FAF1: variants seen among roughly 807,000 people sequenced by gnomAD.
FAF1 encodes the protein FAS-associated factor 1.
A neutral mutation model predicts 92.5 loss-of-function variants in FAF1; 25 were observed. The ratio of observed to expected loss-of-function variants is 0.27; its 90% CI spans 0.20 to 0.38. The LOEUF (loss-of-function observed/expected upper bound fraction) is 0.38, where lower values mean the gene tolerates loss of function less well. Among genes scored for constraint, FAF1 ranks in the 10% least tolerant of loss-of-function variants. The pLI, the probability that FAF1 is intolerant of heterozygous loss-of-function variation, is 1.00. For missense variants in FAF1, 636 were observed against 793.3 expected (o/e 0.80, Z 2.38); for synonymous variants, 234 against 273.2 (o/e 0.86, Z 1.42).
intron 7 of FAF1, among the ~76,000 whole-genome samples, chr1:50,675,987 T>C (rs1416014315): frequency 6.6e-6 from 1 of 152,236 alleles, no homozygotes; most frequent in Non-Finnish European, 1.5e-5. Context: ...TAGAGCTGAA[T>C]GTGAATTTGA....
At chr1:50,477,071 T>A (rs1434034671) in intron 17 of FAF1, among the ~76,000 whole-genome samples, 1 of 152,224 alleles carries the variant, frequency 6.6e-6, no homozygotes, top group Non-Finnish European at 1.5e-5. Flanking sequence ...AAAAGTTTGC[T>A]CAGACACAAG....
rs1357503824 is a variant in FAF1, at chr1:50,583,763, T to C, written c.968-48A>G. 2.3e-6 allele frequency: 3 copies of C among 1,293,880 alleles called. No homozygotes were observed. Among genetic ancestry groups the C allele is most frequent in the Admixed American group, 1.9e-5 (1 of 51,706 alleles). 80.1% of individuals were successfully genotyped at this position (1,293,880 alleles called of 1,614,324 possible). A position where few individuals can be genotyped will look rare whatever the true frequency, so the allele number is the denominator to read the frequency against. ...AACAAAAACAAAAAAACAAAACAAATAGACACAAAAACAAACCACATAACA... is the reference window on the plus strand; with the variant it reads ...AACAAAAACAAAAAAACAAAACAAACAGACACAAAAACAAACCACATAACA... On this transcript the variant is annotated intron_variant, in intron 10 of 18. Coordinates refer to ENST00000396153, the MANE Select transcript of FAF1 (RefSeq NM_007051.3). This position sits in a 1 kb window ranked among gnomAD's most constrained non-coding sequence, Gnocchi z 4.2.
chr1:50,699,349 G>GT (rs1317601193), intron 7 of FAF1, among the ~76,000 whole-genome samples: 4 of 151,932 alleles, frequency 2.6e-5, no homozygotes, highest in Admixed American at 1.3e-4. Context: ...AACTGGACAG[G>GT]TTTTTTTAAT....
At chr1:50,534,938 G>A (rs11205731) in intron 15 of FAF1, among the ~76,000 whole-genome samples, 11 of 152,122 alleles carry the variant, frequency 7.2e-5, no homozygotes, top group African/African-American at 2.7e-4. Flanking sequence ...TTTTGCTAAT[G>A]CTCACAGTAC....
At chr1:50,533,696 ACT>A (rs1291028678) in intron 15 of FAF1, among the ~76,000 whole-genome samples, 1 of 152,142 alleles carries the variant, frequency 6.6e-6, no homozygotes, top group Non-Finnish European at 1.5e-5. Context: ...CAGAAATAAA[ACT>A]CTCCCTTACG....
intron 1 of FAF1, among the ~76,000 whole-genome samples, chr1:50,862,207 C>G (rs1379689678): frequency 6.6e-6 from 1 of 151,250 alleles, no homozygotes; most frequent in African/African-American, 2.4e-5. Flanking sequence ...TGCAGAGAAC[C>G]AACAAAGTAT....
At chr1:50,851,493 G>A (rs941588750) in intron 2 of FAF1, among the ~76,000 whole-genome samples, 1 of 152,056 alleles carries the variant, frequency 6.6e-6, no homozygotes, top group African/African-American at 2.4e-5. Context: ...ATTTCATTTA[G>A]TTTATTTTCT....
rs963389397 is a variant in FAF1 at position 50,735,775 on chromosome 1, GGCATGA to G, written c.551+3082_551+3087del. Among the ~76,000 whole-genome samples, 734 of 152,252 alleles carry G rather than the reference GGCATGA, an allele frequency of 4.8e-3. 12 individuals carry two copies. The East Asian group carries it at 0.076, about 16-fold the overall frequency. ...CTACTGCCCAGGCTTAAAGTACAGT[GGCATGA>G]TCTCAGCTCACTGTAACCTCAAACT... On this transcript the variant is annotated intron_variant, in intron 6 of 18. Coordinates refer to ENST00000396153, the MANE Select transcript of FAF1 (RefSeq NM_007051.3).
intron 13 of FAF1, among the ~76,000 whole-genome samples, chr1:50,561,848 C>CGGAAGGAA (rs373578502): frequency 0.14 from 17,801 of 128,372 alleles, 1,388 homozygotes; most frequent in Middle Eastern, 0.21. Context: ...GACGGATGGA[C>CGGAAGGAA]GGAAGGAAGG....
At chr1:50,712,445 C>T (rs1160867148) in intron 6 of FAF1, among the ~76,000 whole-genome samples, 1 of 152,034 alleles carries the variant, frequency 6.6e-6, no homozygotes, top group Non-Finnish European at 1.5e-5. Context: ...CCCTTGAGGC[C>T]AGGAATTTGA....
At chr1:50,770,804 A>C (rs1557519575) in intron 4 of FAF1, among the ~76,000 whole-genome samples, 1 of 152,200 alleles carries the variant, frequency 6.6e-6, no homozygotes, top group Non-Finnish European at 1.5e-5. Context: ...AGATAATCCT[A>C]AGCAAAAAGA....
At chr1:50,849,248 CAG>C (rs1644328345) in intron 2 of FAF1, among the ~76,000 whole-genome samples, 1 of 145,088 alleles carries the variant, frequency 6.9e-6, no homozygotes, top group Non-Finnish European at 1.5e-5. Context: ...GCCTAGGCGA[CAG>C]AGTGAGACTC....
At chr1:50,809,491 T>C (rs1476149378) in intron 2 of FAF1, among the ~76,000 whole-genome samples, 1 of 152,066 alleles carries the variant, frequency 6.6e-6, no homozygotes, top group Non-Finnish European at 1.5e-5. Flanking sequence ...AACATCTCTC[T>C]ATGCACAAAG....
chr1:50,743,247 C>A (rs1659456308), intron 5 of FAF1, among the ~76,000 whole-genome samples: 1 of 152,174 alleles, frequency 6.6e-6, no homozygotes, highest in Non-Finnish European at 1.5e-5. Context: ...TATATAAGTA[C>A]TTATAAACAC....
At chr1:50,541,586 A>T (rs1648759591) in intron 13 of FAF1, among the ~76,000 whole-genome samples, 1 of 152,180 alleles carries the variant, frequency 6.6e-6, no homozygotes, top group Non-Finnish European at 1.5e-5. Context: ...TGTCAAAAAA[A>T]TAGTTGGAAT....
In FAF1 at chr1:50,826,727, C is replaced by A. The variant is rs12077230; in HGVS notation, c.115-25050G>T. On this transcript the variant is annotated intron_variant, in intron 2 of 18. Coordinates refer to ENST00000396153, the MANE Select transcript of FAF1 (RefSeq NM_007051.3). The stretch of plus-strand genomic sequence containing the variant: ...TAAAAGAATATTATGAACTTTATGC[C>A]AATAAATATGAAAATTTAGATAGAC... 9.9e-3 allele frequency among the ~76,000 whole-genome samples: 1,498 copies of A among 151,944 alleles called. 22 individuals carry two copies. The highest frequency in any genetic ancestry group is 0.034 in the African/African-American group (1,421 of 41,422).
intron 7 of FAF1, among the ~76,000 whole-genome samples, chr1:50,665,453 T>A (rs1202561223): frequency 6.6e-6 from 1 of 152,178 alleles, no homozygotes; most frequent in Non-Finnish European, 1.5e-5. Context: ...ATTGGCATAA[T>A]CTAATATCCA....
At chr1:50,890,923 G>A (rs965135152) in intron 1 of FAF1, among the ~76,000 whole-genome samples, 4 of 152,190 alleles carry the variant, frequency 2.6e-5, no homozygotes, top group African/African-American at 7.2e-5. Flanking sequence ...CTAGATTGGG[G>A]AAGTTCTCCT....
intron 2 of FAF1, among the ~76,000 whole-genome samples, chr1:50,823,071 G>A (rs1006938251): frequency 6.6e-6 from 1 of 152,120 alleles, no homozygotes; most frequent in African/African-American, 2.4e-5. Flanking sequence ...ACCGTGCCCG[G>A]CCAAGGCTAG....
Sources: gnomAD v4.1 joint callset for allele counts (sites outside exome capture counted in the v4.1 genomes callset) on GRCh38, gnomAD v4.1.1 for gene constraint, Gnocchi (gnomAD v3.1) non-coding constraint, MANE v1.5 for transcripts, NCBI Gene and HGNC (gene_info 2026-07-23, HGNC 2026-07-21) for gene names.